CAMK1D: variants seen among roughly 807,000 people sequenced by gnomAD.
CAMK1D encodes calcium/calmodulin-dependent protein kinase type 1D.
In CAMK1D, 9 loss-of-function variants were observed where a neutral mutation model predicts 47.7. The ratio of observed to expected loss-of-function variants is 0.19; its 90% CI spans 0.11 to 0.33. The LOEUF is 0.33. CAMK1D is among the 10% of genes least tolerant of loss of function. The pLI is 1.00. For missense variants in CAMK1D, 291 were observed against 488.7 expected, an observed-to-expected ratio of 0.60 and a Z score of 3.81; for synonymous variants, 184 against 184.9, an observed-to-expected ratio of 0.99 and a Z score of 0.04.
At chr10:12,700,162 T>G (rs1297534714) in intron 3 of CAMK1D, among the ~76,000 whole-genome samples, 1 of 152,180 alleles carries the variant, frequency 6.6e-6, no homozygotes, top group Non-Finnish European at 1.5e-5. Flanking sequence ...ACATATTTTC[T>G]CTGTAAGGCG....
At chr10:12,351,255 C>T (rs190000009) in intron 1 of CAMK1D, among the ~76,000 whole-genome samples, 5 of 152,250 alleles carry the variant, frequency 3.3e-5, no homozygotes, top group Admixed American at 2.6e-4. Context: ...GGGAGGGCAC[C>T]TATTTGCTAT....
At chr10:12,582,244 A>G (rs1378609770) in intron 2 of CAMK1D, among the ~76,000 whole-genome samples, 4 of 152,126 alleles carry the variant, frequency 2.6e-5, no homozygotes, top group Non-Finnish European at 1.5e-5. Context: ...TCATTGGTCT[A>G]TGTGCCTATT....
At chr10:12,716,561 G>T (rs905232550) in intron 3 of CAMK1D, among the ~76,000 whole-genome samples, 1 of 152,088 alleles carries the variant, frequency 6.6e-6, no homozygotes, top group African/African-American at 2.4e-5. Flanking sequence ...ATAAGTATGT[G>T]CCGTGTCATG....
intron 2 of CAMK1D, among the ~76,000 whole-genome samples, chr10:12,580,531 T>C (rs1258309879): frequency 6.6e-6 from 1 of 152,164 alleles, no homozygotes; most frequent in African/African-American, 2.4e-5. Flanking sequence ...TATGCAGAAC[T>C]CTTACTCTTC....
Position 12,829,156 on chromosome 10 carries a change from C to T in CAMK1D, c.*269C>T. On this transcript the variant is annotated 3_prime_UTR_variant, in exon 11 of 11. Transcript: ENST00000619168. Reference sequence around the variant, plus strand: ...GCAAAGCTCTAACTGAACGGACCTTCTTATTCCTCTCCCCTAACACCATCG... The same window carrying T: ...GCAAAGCTCTAACTGAACGGACCTTTTTATTCCTCTCCCCTAACACCATCG... 2.8e-6 allele frequency: 1 copy of T among 362,622 alleles called. No homozygotes were observed. The highest frequency in any genetic ancestry group is 5.0e-6 in the Non-Finnish European group (1 of 201,788). 22.5% of individuals were successfully genotyped at this position (362,622 alleles called of 1,614,324 possible).
At chr10:12,370,956 A>G (rs1273480711) in intron 1 of CAMK1D, among the ~76,000 whole-genome samples, 1 of 152,168 alleles carries the variant, frequency 6.6e-6, no homozygotes, top group African/African-American at 2.4e-5. Context: ...AATAGGAAAA[A>G]GCTTATAGAA....
chr10:12,554,179 A>G (rs1485704639), intron 2 of CAMK1D, among the ~76,000 whole-genome samples: 4 of 140,176 alleles, frequency 2.9e-5, no homozygotes, highest in Non-Finnish European at 6.1e-5. Flanking sequence ...TCCTTTCCTG[A>G]CAGAATCTCG....
intron 5 of CAMK1D, among the ~76,000 whole-genome samples, chr10:12,774,836 T>C (rs1025669207): frequency 6.6e-6 from 1 of 152,286 alleles, no homozygotes; most frequent in African/African-American, 2.4e-5. Flanking sequence ...CTAATAATGC[T>C]TGATGATCTG....
intron 1 of CAMK1D, among the ~76,000 whole-genome samples, chr10:12,367,158 A>C (rs2060259861): frequency 6.6e-6 from 1 of 152,020 alleles, no homozygotes; most frequent in Admixed American, 6.6e-5. Context: ...AGTGTGGCTG[A>C]CTCTCCCTGC....
chr10:12,829,175 A>C lies in CAMK1D; in HGVS notation c.*288A>C. The C allele has an allele frequency of 1.1e-5, 3 of 270,000 alleles. No individual in the cohort carries two copies. Among genetic ancestry groups the C allele is most frequent in the East Asian group, 7.6e-5 (1 of 13,222 alleles). 16.7% of individuals were successfully genotyped at this position (270,000 alleles called of 1,614,324 possible). A position where few individuals can be genotyped will look rare whatever the true frequency, so the allele number is the denominator to read the frequency against. ...GACCTTCTTATTCCTCTCCCCTAAC[A>C]CCATCGTTTCCACTCTTCTCAGTGT... On this transcript the variant is annotated 3_prime_UTR_variant, in exon 11 of 11. Transcript: ENST00000619168.
chr10:12,609,818 TGAA>T (rs925092268), intron 2 of CAMK1D, among the ~76,000 whole-genome samples: 2 of 151,492 alleles, frequency 1.3e-5, no homozygotes, highest in Non-Finnish European at 2.9e-5. Context: ...TGTTTAGAAA[TGAA>T]GAAAAGTCAG....
chr10:12,376,608 G>A (rs571300777), intron 1 of CAMK1D, among the ~76,000 whole-genome samples: 1 of 152,116 alleles, frequency 6.6e-6, no homozygotes, highest in African/African-American at 2.4e-5. Flanking sequence ...GAGGTCCGGT[G>A]GAGGCCTTGC....
At chr10:12,661,242 A>G (rs1840266126) in intron 2 of CAMK1D, among the ~76,000 whole-genome samples, 1 of 152,230 alleles carries the variant, frequency 6.6e-6, no homozygotes, top group African/African-American at 2.4e-5. Context: ...GATGGCATTA[A>G]TACTTTGACT....
At chr10:12,545,062 T>C (rs1452688343) in intron 1 of CAMK1D, among the ~76,000 whole-genome samples, 7 of 152,156 alleles carry the variant, frequency 4.6e-5, no homozygotes, top group Non-Finnish European at 7.3e-5. Context: ...TATTATTAGG[T>C]CTGAAGACAC....
intron 3 of CAMK1D, among the ~76,000 whole-genome samples, chr10:12,709,418 A>G (rs575756898): frequency 6.6e-6 from 1 of 152,258 alleles, no homozygotes; most frequent in South Asian, 2.1e-4. Context: ...TCGCAAATGG[A>G]AAGGACTTTG....
intron 1 of CAMK1D, among the ~76,000 whole-genome samples, chr10:12,395,633 G>T (rs906798486): frequency 6.6e-6 from 1 of 152,018 alleles, no homozygotes. Context: ...TTGGTTTTTC[G>T]GCCAGGCGAA....
rs550641730 is a variant in CAMK1D, at chr10:12,672,217, T to C, written c.299+5407T>C. ...AGCGTGAGCCACCTCGCCGGGCCAC[T>C]GTCACCTAATTCTTAATGGTACCTT... On this transcript the variant is annotated intron_variant, in intron 3 of 10. Transcript: ENST00000619168. 2.6e-5 allele frequency among the ~76,000 whole-genome samples: 4 copies of C among 151,732 alleles called. No homozygotes were observed. In the South Asian group the frequency reaches 8.4e-4, roughly 32 times the overall value.
intron 1 of CAMK1D, among the ~76,000 whole-genome samples, chr10:12,398,089 A>G (rs1839027233): frequency 6.6e-6 from 1 of 152,234 alleles, no homozygotes; most frequent in Non-Finnish European, 1.5e-5. Context: ...GAAATAAAAC[A>G]GTTACATCAT....
intron 1 of CAMK1D, among the ~76,000 whole-genome samples, chr10:12,527,516 G>A (rs1231828286): frequency 1.3e-5 from 2 of 151,884 alleles, no homozygotes; most frequent in Admixed American, 6.6e-5. Context: ...CACCACGCCC[G>A]GCTAATTTTT....
Sources: gnomAD v4.1 joint callset for allele counts (sites outside exome capture counted in the v4.1 genomes callset) on GRCh38, gnomAD v4.1.1 for gene constraint, MANE v1.5 for transcripts, NCBI Gene and HGNC (gene_info 2026-07-23, HGNC 2026-07-21) for gene names.